LUZP4: variants seen among roughly 807,000 people sequenced by gnomAD.
LUZP4 encodes the protein HOM-TES-85 tumor antigen.
Under a neutral mutation model 8.5 loss-of-function variants are expected in LUZP4, and 11 were observed. The ratio of observed to expected loss-of-function variants is 1.30; its 90% CI spans 0.82 to 2.14. The LOEUF is 2.14. Ranked by LOEUF, LUZP4 falls within the 30% of genes most tolerant of loss-of-function variation. The pLI is 0.00. For synonymous variants in LUZP4, 104 were observed against 79.4 expected, an observed-to-expected ratio of 1.31 and a Z score of -1.65; for missense variants, 276 against 229.7, an observed-to-expected ratio of 1.20 and a Z score of -1.30.
intron 1 of LUZP4, among the ~76,000 whole-genome samples, chrX:115,293,109 T>G: frequency 9.0e-6 from 1 of 110,891 alleles, no homozygotes; most frequent in Middle Eastern, 4.6e-3. Flanking sequence ...AAAAAAAAAT[T>G]TGTTAATAGG....
Position 115,306,536 on chromosome X carries a change from C to G in LUZP4, c.674C>G (p.Ser225Cys). ...SERSHGHSER[S>C]HGHSKRSRSQ... is the part of the protein sequence containing the mutation. ...AGATCTCATGGTCACTCAGAGAGAT[C>G]TCATGGTCACTCAAAGAGATCTCGT... Residue 225 changes from serine to cysteine, a missense_variant, in exon 4 of 4, where the codon TCT becomes TGT. Coordinates refer to ENST00000371920, the MANE Select transcript of LUZP4 (RefSeq NM_016383.5). 1 of 1,209,916 alleles carries G rather than the reference C, an allele frequency of 8.3e-7. No homozygotes were observed. Among genetic ancestry groups the G allele is most frequent in the Non-Finnish European group, 1.1e-6 (1 of 895,349 alleles).
At position 115,306,845 on chromosome X, in the gene LUZP4, CATATATCT is replaced by C. The variant is rs782068850; in HGVS notation, c.*46_*53del. On this transcript the variant is annotated 3_prime_UTR_variant, in exon 4 of 4. Transcript: ENST00000371920. ...GTTGAATTCTGTGGAAATAGAAAAG[CATATATCT>C]ATATTCTAATGGCTAAATATGTATT... 1 of 1,109,136 alleles carries C rather than the reference CATATATCT, an allele frequency of 9.0e-7. No homozygotes were observed. The highest frequency in any genetic ancestry group is 1.9e-5 in the South Asian group (1 of 51,773). 91.4% of individuals were successfully genotyped at this position (1,109,136 alleles called of 1,213,427 possible).
At position 115,306,399 on chromosome X, in the gene LUZP4, G is replaced by A. The variant is rs2232735; in HGVS notation, c.537G>A (p.Gln179=). Residue 179 remains glutamine, a synonymous_variant, in exon 4 of 4, where the codon CAG becomes CAA. Coordinates refer to ENST00000371920, the MANE Select transcript of LUZP4 (RefSeq NM_016383.5). ...SLSQSDRSQG[Q]LKRHHPQYER... is the part of the protein sequence containing the mutation. ...CTCAGTCAGACAGATCTCAAGGGCA[G>A]CTAAAGAGACATCATCCCCAATATG... 1.7e-3 allele frequency: 2,034 copies of A among 1,209,487 alleles called. 1 individual carries two copies. The highest frequency in any genetic ancestry group is 2.0e-3 in the Non-Finnish European group (1,817 of 895,084).
In LUZP4 at chrX:115,303,725, G is replaced by A. The variant is rs782550099; in HGVS notation, c.342+307G>A. Among the ~76,000 whole-genome samples the A allele has an allele frequency of 2.5e-4, 28 of 111,841 alleles. 1 individual carries two copies. The highest frequency in any genetic ancestry group is 4.9e-4 in the Non-Finnish European group (26 of 53,206). ...GAATTTTTATTTGTCCTCATACAGA[G>A]GCTTTGAGCTTAAGTTATAATATAA... is the stretch of plus-strand genomic sequence containing the variant. On this transcript the variant is annotated intron_variant, in intron 3 of 3. Coordinates refer to ENST00000371920, the MANE Select transcript of LUZP4 (RefSeq NM_016383.5).
chrX:115,300,828 G>C (rs1286397102), intron 1 of LUZP4, among the ~76,000 whole-genome samples: 1 of 111,490 alleles, frequency 9.0e-6, no homozygotes, highest in Non-Finnish European at 1.9e-5. Context: ...ATTCAGGACT[G>C]TTTTTTCTAT....
chrX:115,306,175 T>C, intron 3 of LUZP4, 30 bp from the exon 4 acceptor site: 1 of 1,181,038 alleles, frequency 8.5e-7, no homozygotes, highest in Non-Finnish European at 1.1e-6. Flanking sequence ...ATATGTTTCA[T>C]TTGTTTTGAA....
intron 1 of LUZP4, among the ~76,000 whole-genome samples, chrX:115,292,163 T>C (rs2073351820): frequency 8.9e-6 from 1 of 112,529 alleles, no homozygotes; most frequent in South Asian, 3.7e-4. Context: ...TTTTTTGTTG[T>C]TGTTCATGCT....
intron 1 of LUZP4, among the ~76,000 whole-genome samples, chrX:115,299,749 T>A (rs1232647580): frequency 1.8e-5 from 2 of 111,040 alleles, no homozygotes; most frequent in African/African-American, 6.6e-5. Flanking sequence ...AGTCCTGGAA[T>A]CACGGATTCC....
chrX:115,305,190 A>C (rs139049308), intron 3 of LUZP4, among the ~76,000 whole-genome samples: 3 of 111,960 alleles, frequency 2.7e-5, no homozygotes, highest in African/African-American at 9.7e-5. Flanking sequence ...TATCTTTCCT[A>C]CTGACCCACT....
chrX:115,303,525 G>A (rs1272579959), intron 3 of LUZP4, 107 bp downstream of exon 3: 1 of 367,735 alleles, frequency 2.7e-6, no homozygotes, highest in Non-Finnish European at 4.6e-6. Flanking sequence ...ATTGTTTCTT[G>A]GTATTCCTCC....
At position 115,290,195 on chromosome X, in the gene LUZP4, T is replaced by C. The variant is rs79598364; in HGVS notation, c.91+345T>C. ...TGTATTTTACTCTCCTAAGAATTGA[T>C]ACCTAACTACTGGCCTCCTTCAAAC... On this transcript the variant is annotated intron_variant, in intron 1 of 3. Transcript: ENST00000371920. Among the ~76,000 whole-genome samples the C allele has an allele frequency of 3.6e-5, 4 of 111,797 alleles. No individual in the cohort carries two copies. The East Asian group carries it at 8.5e-4, about 24-fold the overall frequency.
At chrX:115,303,548 A>G (rs957871588) in intron 3 of LUZP4, 130 bp downstream of exon 3, 1 of 294,055 alleles carries the variant, frequency 3.4e-6, no homozygotes, top group Non-Finnish European at 6.1e-6. Flanking sequence ...GGTGCCTTGA[A>G]CATATTTTAA....
chrX:115,302,715 C>T (rs2073403146), intron 2 of LUZP4, among the ~76,000 whole-genome samples: 1 of 112,620 alleles, frequency 8.9e-6, no homozygotes, highest in African/African-American at 3.2e-5. Flanking sequence ...CCGACAGTTG[C>T]CTATGCAGCT....
At position 115,306,941 on chromosome X, in the gene LUZP4, T is replaced by C. The variant is rs2073426330; in HGVS notation, c.*137T>C. 1 of 584,105 alleles carries C rather than the reference T, an allele frequency of 1.7e-6. No homozygotes were observed. The highest frequency in any genetic ancestry group is 3.4e-5 in the Admixed American group (1 of 29,690). The allele number at this position is 584,105 out of a possible 1,213,427, so 48.1% of individuals were successfully genotyped here. ...TAGAATGGAGGTAATACATACATAG[T>C]ATCAATATTGTTTCAACTTGATGTC... On this transcript the variant is annotated 3_prime_UTR_variant, in exon 4 of 4. Coordinates refer to ENST00000371920, the MANE Select transcript of LUZP4 (RefSeq NM_016383.5).
chrX:115,301,851 A>ATTT (rs1332371666), intron 1 of LUZP4, 141 bp from the exon 2 acceptor site: 83 of 335,858 alleles, frequency 2.5e-4, no homozygotes, highest in Non-Finnish European at 1.2e-4. Flanking sequence ...AGTTTAACAA[A>ATTT]TTTATTATTA....
chrX:115,303,465 CTATAT>C (rs782256986), intron 3 of LUZP4, 47 bp downstream of exon 3: 1 of 648,401 alleles, frequency 1.5e-6, no homozygotes, highest in Admixed American at 3.5e-5. Context: ...CCTACATTTA[CTATAT>C]TTCCTAATAT....
intron 1 of LUZP4, among the ~76,000 whole-genome samples, chrX:115,299,825 G>A (rs1213497324): frequency 2.7e-5 from 3 of 111,783 alleles, no homozygotes; most frequent in Admixed American, 9.5e-5. Context: ...AAGTCTCGGA[G>A]TCTCATCCAA....
chrX:115,306,506 CAG>C lies in LUZP4; in HGVS notation c.650_651del (p.Arg217IlefsTer17), dbSNP rs782010540. 6 of 1,208,489 alleles carry C rather than the reference CAG, an allele frequency of 5.0e-6. No individual in the cohort carries two copies. Among genetic ancestry groups the C allele is most frequent in the Non-Finnish European group, 6.7e-6 (6 of 895,018 alleles). On this transcript the variant is annotated frameshift_variant, in exon 4 of 4. Transcript: ENST00000371920. LOFTEE classifies it low-confidence loss of function (END_TRUNC). ...CACTCAGAGAGATCTCATGGTCACT[CAG>C]AGAGATCTCATGGTCACTCAGAGAG...
chrX:115,289,991 G>C (rs960812734), intron 1 of LUZP4, 141 bp downstream of exon 1: 189 of 419,988 alleles, frequency 4.5e-4, no homozygotes, highest in Non-Finnish European at 7.3e-4. Flanking sequence ...GGGCATCTCC[G>C]CACCTGCCCC....
Sources: allele counts gnomAD v4.1 joint callset (sites outside exome capture counted in the v4.1 genomes callset), GRCh38; gene constraint gnomAD v4.1.1; transcripts MANE v1.5; gene names NCBI Gene and HGNC (gene_info 2026-07-23, HGNC 2026-07-21).